Variants in SEC14L1 observed in about 807,000 individuals in gnomAD.
SEC14L1 encodes SEC14-like protein 1.
SEC14L1 carries 48 observed loss-of-function variants against 85.3 expected under a neutral mutation model. The observed-to-expected ratio is 0.56, with a 90% CI of 0.45 to 0.72. SEC14L1 has a LOEUF of 0.72. Among genes scored for constraint, SEC14L1 ranks in the 30% least tolerant of loss-of-function variants. The pLI, the probability that SEC14L1 is intolerant of heterozygous loss-of-function variation, is 0.00. For missense variants in SEC14L1, 682 were observed against 921.4 expected (o/e 0.74, Z 3.36); for synonymous variants, 391 against 355.5 (o/e 1.10, Z -1.12).
In SEC14L1 at chr17:77,153,420, A is replaced by G. The variant is rs147690365; in HGVS notation, c.63+9761A>G. On this transcript the variant is annotated intron_variant, in intron 3 of 16. Transcript: ENST00000436233. ...GAGATGGAAACTAATAGTTAAAACC[A>G]GCTGCTCCCCTTTTCTTCCTAGGAT... is the stretch of plus-strand genomic sequence containing the variant. 2.7e-3 allele frequency among the ~76,000 whole-genome samples: 415 copies of G among 152,310 alleles called. 9 individuals are homozygous for G. The highest frequency in any genetic ancestry group is 0.023 in the Admixed American group (354 of 15,288).
intron 3 of SEC14L1, among the ~76,000 whole-genome samples, chr17:77,156,944 C>A (rs1041382533): frequency 2.0e-5 from 3 of 152,146 alleles, no homozygotes; most frequent in Non-Finnish European, 4.4e-5. Flanking sequence ...AATCCTATTT[C>A]TTTGGTTCTC....
chr17:77,178,455 A>AT (rs1974857580), intron 3 of SEC14L1, among the ~76,000 whole-genome samples: 1 of 151,986 alleles, frequency 6.6e-6, no homozygotes, highest in Non-Finnish European at 1.5e-5. Flanking sequence ...TTTGTGGGTA[A>AT]TTTTTTCAAG....
chr17:77,136,701 G>C (rs1466308095), upstream of SEC14L1, among the ~76,000 whole-genome samples: 1 of 152,124 alleles, frequency 6.6e-6, no homozygotes, highest in Non-Finnish European at 1.5e-5. Context: ...GCGTCGTTCG[G>C]GGAGCAGGTT....
intron 3 of SEC14L1, among the ~76,000 whole-genome samples, chr17:77,155,549 C>T (rs1567898405): frequency 3.3e-5 from 5 of 152,272 alleles, no homozygotes; most frequent in African/African-American, 4.8e-5. Context: ...TCACTTTGCT[C>T]TTCTGTAGCC....
intron 3 of SEC14L1, among the ~76,000 whole-genome samples, chr17:77,170,236 T>G (rs1219270593): frequency 6.6e-6 from 1 of 152,138 alleles, no homozygotes; most frequent in Admixed American, 6.5e-5. Context: ...CTTTCTTTTT[T>G]AACGTGACTC....
chr17:77,165,018 T>G (rs1413801504), intron 3 of SEC14L1, among the ~76,000 whole-genome samples: 1 of 152,210 alleles, frequency 6.6e-6, no homozygotes, highest in African/African-American at 2.4e-5. Flanking sequence ...GAAGCCAGAT[T>G]GAGGGCTACC....
At chr17:77,196,015 G>A (rs1045759678) in intron 7 of SEC14L1, among the ~76,000 whole-genome samples, 187 bp from the exon 8 acceptor site, 2 of 152,164 alleles carry the variant, frequency 1.3e-5, no homozygotes, top group African/African-American at 2.4e-5. Flanking sequence ...CTGTGGTTTA[G>A]TCAGTGATTT....
Position 77,216,057 on chromosome 17 carries a change from T to C in SEC14L1, c.*2034T>C, listed in dbSNP as rs1316654790. ...AGTAGGTAGGGTTAGTAGGTAGGGCTAGTAGGTAGGGCTAGTAGGTAGGGT... is the reference window on the plus strand; with the variant it reads ...AGTAGGTAGGGTTAGTAGGTAGGGCCAGTAGGTAGGGCTAGTAGGTAGGGT... On this transcript the variant is annotated 3_prime_UTR_variant, in exon 17 of 17. Transcript: ENST00000436233. 1.0e-6 allele frequency: 1 copy of C among 1,001,212 alleles called. No homozygotes were observed. Among genetic ancestry groups the C allele is most frequent in the Non-Finnish European group, 1.2e-6 (1 of 845,284 alleles). The allele number at this position is 1,001,212 out of a possible 1,614,324, so 62.0% of individuals were successfully genotyped here.
chr17:77,122,059 A>T (rs564844820), intron 3 of SEC14L1, among the ~76,000 whole-genome samples: 6 of 152,322 alleles, frequency 3.9e-5, no homozygotes, highest in African/African-American at 1.4e-4. Context: ...CCCAGAATAG[A>T]TGACAAACTA....
chr17:77,167,283 C>T (rs58794808), intron 3 of SEC14L1, among the ~76,000 whole-genome samples: 43,569 of 151,682 alleles, frequency 0.29, 6,541 homozygotes, highest in East Asian at 0.45. Flanking sequence ...TACAAGCACG[C>T]AGTACTACAC....
chr17:77,135,246 C>T lies in SEC14L1; in HGVS notation c.-135-7400C>T, dbSNP rs76819776. ...CCTGGTTCTTGTTCACATCCTGACT[C>T]TTAATAGTTGGAGTTCTTTAGAATT... On this transcript the variant is annotated intron_variant, in intron 3 of 19. Transcript: ENST00000392476. 7.2e-5 allele frequency among the ~76,000 whole-genome samples: 11 copies of T among 152,348 alleles called. No individual in the cohort carries two copies. In the East Asian group the frequency reaches 2.1e-3, roughly 29 times the overall value.
At chr17:77,146,193 G>A (rs1973294794) in intron 3 of SEC14L1, among the ~76,000 whole-genome samples, 1 of 152,150 alleles carries the variant, frequency 6.6e-6, no homozygotes, top group African/African-American at 2.4e-5. Context: ...AGGAGGCAGT[G>A]GGGGTGGTAG....
upstream of SEC14L1, among the ~76,000 whole-genome samples, chr17:77,136,337 C>T (rs562509610): frequency 1.6e-3 from 208 of 133,186 alleles, no homozygotes; most frequent in African/African-American, 5.4e-3. Context: ...CCTTCCCTCC[C>T]TTCCTTCCTT....
At chr17:77,117,390 A>G (rs1972197529) in intron 3 of SEC14L1, among the ~76,000 whole-genome samples, 1 of 151,732 alleles carries the variant, frequency 6.6e-6, no homozygotes, top group East Asian at 1.9e-4. Flanking sequence ...CAGCTGAAGT[A>G]AGCTCTACAC....
At chr17:77,121,315 C>A (rs868411957) in intron 3 of SEC14L1, among the ~76,000 whole-genome samples, 1 of 152,134 alleles carries the variant, frequency 6.6e-6, no homozygotes, top group Non-Finnish European at 1.5e-5. Flanking sequence ...GGGAAGTTGG[C>A]AAATATTTTG....
rs556604710 is a variant in SEC14L1, at chr17:77,185,688, G to GT, written c.64-5107dup. On this transcript the variant is annotated intron_variant, in intron 3 of 16. Transcript: ENST00000436233. Reference sequence around the variant, plus strand: ...CACAGTACTGGAATGTACAAAGCCAGTTTTTTTTGTTTTTGTTTTTTTAAT... The same window carrying GT: ...CACAGTACTGGAATGTACAAAGCCAGTTTTTTTTTGTTTTTGTTTTTTTAAT... Among the ~76,000 whole-genome samples, 726 of 152,058 alleles carry GT rather than the reference G, an allele frequency of 4.8e-3. 3 individuals carry two copies. The highest frequency in any genetic ancestry group is 8.5e-3 in the African/African-American group (351 of 41,472).
At chr17:77,120,795 ATTG>A (rs1184139724) in intron 3 of SEC14L1, among the ~76,000 whole-genome samples, 1 of 152,006 alleles carries the variant, frequency 6.6e-6, no homozygotes, top group Admixed American at 6.6e-5. Context: ...CCATATTCTG[ATTG>A]TAAGCATCAC....
Position 77,196,121 on chromosome 17 carries a change from T to C in SEC14L1, c.710-81T>C. On this transcript the variant is annotated intron_variant, in intron 7 of 16. Transcript: ENST00000436233. Reference sequence around the variant, plus strand: ...GCCTCTAGGACTCTAGGACCACACGTTAACTCCACTGAGCACAAAGACTTT... The same window carrying C: ...GCCTCTAGGACTCTAGGACCACACGCTAACTCCACTGAGCACAAAGACTTT... The C allele has an allele frequency of 8.2e-6, 9 of 1,094,056 alleles. No homozygotes were observed. In the South Asian group the frequency reaches 1.2e-4, roughly 14 times the overall value. The allele number at this position is 1,094,056 out of a possible 1,614,324, so 67.8% of individuals were successfully genotyped here. A position where few individuals can be genotyped will look rare whatever the true frequency, so the allele number is the denominator to read the frequency against.
chr17:77,099,458 G>A (rs1971717874), intron 3 of SEC14L1, among the ~76,000 whole-genome samples: 1 of 152,074 alleles, frequency 6.6e-6, no homozygotes. Flanking sequence ...GGCACATCTT[G>A]AAGCCCCTAA....
Sources: gnomAD v4.1 joint callset for allele counts (sites outside exome capture counted in the v4.1 genomes callset) on GRCh38, gnomAD v4.1.1 for gene constraint, MANE v1.5 for transcripts, NCBI Gene and HGNC (gene_info 2026-07-23, HGNC 2026-07-21) for gene names.